ASB3: variants seen among roughly 807,000 people sequenced by gnomAD.
The protein encoded by ASB3 is ankyrin repeat and SOCS box containing 3.
ASB3 carries 41 observed loss-of-function variants against 54.5 expected under a neutral mutation model. That is an observed-to-expected ratio of 0.75 (90% CI 0.59 to 0.98). The LOEUF is 0.98. Ranked by LOEUF, ASB3 falls within the 50% of genes least tolerant of loss-of-function variation. The pLI is 0.00. For missense variants in ASB3, 733 were observed against 620.0 expected, an observed-to-expected ratio of 1.18 and a Z score of -1.94; for synonymous variants, 266 against 221.2, an observed-to-expected ratio of 1.20 and a Z score of -1.80.
At position 53,740,132 on chromosome 2, in the gene ASB3, C is replaced by A. The variant is rs142685648; in HGVS notation, c.356-10562G>T. Among the ~76,000 whole-genome samples the A allele has an allele frequency of 2.8e-4, 42 of 152,304 alleles. No homozygotes were observed. In the East Asian group the frequency reaches 7.7e-3, roughly 28 times the overall value. ...GAAATCATCTATATATTCAATTTTA[C>A]ATTTGAATTATATATGAATTTTTAA... On this transcript the variant is annotated intron_variant, in intron 3 of 9. Coordinates refer to ENST00000263634, the MANE Select transcript of ASB3 (RefSeq NM_016115.5).
chr2:53,718,202 C>T (rs1191577925), intron 5 of ASB3, among the ~76,000 whole-genome samples: 5 of 152,172 alleles, frequency 3.3e-5, no homozygotes, highest in East Asian at 1.9e-4. Flanking sequence ...TCTCTGTGAA[C>T]GTGAATATCA....
chr2:53,754,809 C>T (rs894335462), intron 2 of ASB3, among the ~76,000 whole-genome samples: 6 of 152,210 alleles, frequency 3.9e-5, no homozygotes, highest in Non-Finnish European at 7.3e-5. Flanking sequence ...AGTTGTTACA[C>T]ATTTGGTAAA....
intron 1 of ASB3, among the ~76,000 whole-genome samples, chr2:53,785,352 A>T (rs1674891310): frequency 6.6e-6 from 1 of 152,068 alleles, no homozygotes; most frequent in African/African-American, 2.4e-5. Flanking sequence ...AGGACCTCAC[A>T]GACAGTTTTC....
At position 53,693,949 on chromosome 2, in the gene ASB3, G is replaced by A. The variant is rs962305803; in HGVS notation, c.1304C>T (p.Ala435Val). Residue 435 changes from alanine (A) to valine (V), a missense_variant, in exon 9 of 10, where the codon GCA (alanine) becomes GTA (valine). Transcript: ENST00000263634. ...AGAGAGCATCCTTTCAACAGCTGGT[G>A]CAAGTGTCTTCCAATTAGTAAACTC... is the stretch of plus-strand genomic sequence containing the variant. ...TLEFTNWKTL[A>V]PAVERMLSAR... The A allele has an allele frequency of 1.9e-6, 3 of 1,613,522 alleles. No individual in the cohort carries two copies. Among genetic ancestry groups the A allele is most frequent in the African/African-American group, 1.3e-5 (1 of 74,894 alleles).
At position 53,716,801 on chromosome 2, in the gene ASB3, C is replaced by T. The variant is rs1572897449; in HGVS notation, c.605-58G>A. ...ACCCTAATACTTAAAAAAATCAACA[C>T]AAATTTCAAAGGAACTACCATAAAA... On this transcript the variant is annotated intron_variant, in intron 5 of 9. Transcript: ENST00000263634. 98 of 1,507,946 alleles carry T rather than the reference C, an allele frequency of 6.5e-5. No homozygotes were observed. The East Asian group carries it at 2.2e-3, about 34-fold the overall frequency. The allele number at this position is 1,507,946 out of a possible 1,614,324, so 93.4% of individuals were successfully genotyped here. A position where few individuals can be genotyped will look rare whatever the true frequency, so the allele number is the denominator to read the frequency against.
At chr2:53,727,058 G>A (rs1481376567) in intron 5 of ASB3, among the ~76,000 whole-genome samples, 1 of 152,216 alleles carries the variant, frequency 6.6e-6, no homozygotes, top group Non-Finnish European at 1.5e-5. Flanking sequence ...GTAGTAGAAG[G>A]AAGATCAGAA....
intron 8 of ASB3, among the ~76,000 whole-genome samples, chr2:53,695,806 C>G (rs11684084): frequency 0.52 from 79,147 of 151,858 alleles, 21,067 homozygotes; most frequent in East Asian, 0.63. Flanking sequence ...GGTGCGCAGG[C>G]AGAGGAATAC....
chr2:53,786,909 A>T lies in ASB3; in HGVS notation c.-102T>A, dbSNP rs568710389. 1 of 360,524 alleles carries T rather than the reference A, an allele frequency of 2.8e-6. No homozygotes were observed. The highest frequency in any genetic ancestry group is 4.3e-5 in the Admixed American group (1 of 23,164). The allele number at this position is 360,524 out of a possible 1,614,324, so 22.3% of individuals were successfully genotyped here. On this transcript the variant is annotated 5_prime_UTR_variant, in exon 1 of 10. Coordinates refer to ENST00000263634, the MANE Select transcript of ASB3 (RefSeq NM_016115.5). ...CCAGAAGCCCCCGCTTTCGATCCCC[A>T]CCGCGATGCTGCAGCCGTCCGAAAA...
intron 3 of ASB3, among the ~76,000 whole-genome samples, chr2:53,744,992 C>T (rs986384806): frequency 6.6e-6 from 1 of 152,126 alleles, no homozygotes; most frequent in East Asian, 1.9e-4. Flanking sequence ...AAGCCAAAAG[C>T]GCATGCCATG....
chr2:53,674,733 CATT>C (rs1169932384), intron 9 of ASB3, among the ~76,000 whole-genome samples: 1 of 152,108 alleles, frequency 6.6e-6, no homozygotes, highest in Non-Finnish European at 1.5e-5. Flanking sequence ...TTATTTTCAT[CATT>C]AATATATTGT....
At chr2:53,759,906 G>C (rs113389291) in intron 2 of ASB3, among the ~76,000 whole-genome samples, 12,284 of 152,140 alleles carry the variant, frequency 0.081, 652 homozygotes, top group Non-Finnish European at 0.12. Context: ...AGAGCCCCGG[G>C]TATGCTTGAT....
intron 1 of ASB3, among the ~76,000 whole-genome samples, chr2:53,779,784 T>C (rs925668795): frequency 6.6e-6 from 1 of 152,216 alleles, no homozygotes; most frequent in African/African-American, 2.4e-5. Context: ...CCTGCAAAGG[T>C]CTGCCGCTTA....
intron 9 of ASB3, among the ~76,000 whole-genome samples, chr2:53,672,706 CA>C (rs1487537539): frequency 1.3e-5 from 2 of 152,020 alleles, no homozygotes; most frequent in Non-Finnish European, 2.9e-5. Flanking sequence ...TTTTACTCAC[CA>C]CTATATAAAT....
At position 53,750,866 on chromosome 2, in the gene ASB3, T is replaced by C. The variant is rs201763724; in HGVS notation, c.272A>G (p.His91Arg). ...TAAAAGAATCTGTACGATTTTCCAA[T>C]GTCCTTGACTTGCAGCGAGATGCAA... ...CALHLAASQG[H>R]WKIVQILLEA... The change falls in exon 3 of 10, where the codon CAT becomes CGT. Residue 91 changes from histidine (H) to arginine (R), a missense_variant. Coordinates refer to ENST00000263634, the MANE Select transcript of ASB3 (RefSeq NM_016115.5). 3.0e-4 allele frequency: 478 copies of C among 1,602,774 alleles called. No homozygotes were observed. Among genetic ancestry groups the C allele is most frequent in the Middle Eastern group, 6.6e-4 (4 of 6,040 alleles).
At chr2:53,713,887 C>T (rs758888791) in intron 7 of ASB3, among the ~76,000 whole-genome samples, 4 of 151,594 alleles carry the variant, frequency 2.6e-5, no homozygotes, top group Non-Finnish European at 4.4e-5. Flanking sequence ...CACTCCAGCC[C>T]GGGCCACAGA....
chr2:53,694,087 C>T (rs1669059099), intron 8 of ASB3, 73 bp from the exon 9 acceptor site: 13 of 1,517,528 alleles, frequency 8.6e-6, no homozygotes, highest in Non-Finnish European at 1.2e-5. Context: ...ACAAACACCA[C>T]ATACCTATTC....
At chr2:53,690,066 T>C (rs1668828002) in intron 9 of ASB3, among the ~76,000 whole-genome samples, 1 of 151,508 alleles carries the variant, frequency 6.6e-6, no homozygotes. Context: ...CGAAACCCTG[T>C]CTCAACAAAA....
chr2:53,771,004 C>T (rs1262059370), intron 1 of ASB3, among the ~76,000 whole-genome samples: 1 of 152,158 alleles, frequency 6.6e-6, no homozygotes, highest in East Asian at 1.9e-4. Flanking sequence ...AGCAGTGGTT[C>T]TTAAAGTATG....
intron 9 of ASB3, among the ~76,000 whole-genome samples, 154 bp downstream of exon 9, chr2:53,693,730 C>T (rs1481949680): frequency 6.6e-6 from 1 of 152,044 alleles, no homozygotes. Context: ...TACTAGCCAT[C>T]CCCTAACAAC....
Sources: gnomAD v4.1 joint callset for allele counts (sites outside exome capture counted in the v4.1 genomes callset) on GRCh38, gnomAD v4.1.1 for gene constraint, MANE v1.5 for transcripts, NCBI Gene and HGNC (gene_info 2026-07-23, HGNC 2026-07-21) for gene names.